The following EPHA6 variants were observed in gnomAD, a reference collection of about 807,000 sequenced individuals.
EPHA6 encodes EPH receptor A6.
A neutral mutation model predicts 112.0 loss-of-function variants in EPHA6; 50 were observed. The ratio of observed to expected loss-of-function variants is 0.45; its 90% CI spans 0.36 to 0.56. The LOEUF (loss-of-function observed/expected upper bound fraction) is 0.56. Ranked by LOEUF, EPHA6 falls within the 20% of genes least tolerant of loss-of-function variation. The pLI is 0.00. For missense variants in EPHA6, 1,280 were observed against 1,417.4 expected, an observed-to-expected ratio of 0.90 and a Z score of 1.56; for synonymous variants, 529 against 490.7, an observed-to-expected ratio of 1.08 and a Z score of -1.03.
At chr3:97,094,758 A>G (rs2047185389) in intron 3 of EPHA6, among the ~76,000 whole-genome samples, 3 of 152,144 alleles carry the variant, frequency 2.0e-5, no homozygotes, top group Non-Finnish European at 2.9e-5. Context: ...AAAGGCTTCA[A>G]CATTTTCTCA....
chr3:97,093,654 A>G lies in EPHA6; in HGVS notation c.1114+105661A>G, dbSNP rs2047144718. 1.3e-5 allele frequency among the ~76,000 whole-genome samples: 2 copies of G among 152,176 alleles called. 1 individual carries two copies. The highest frequency in any genetic ancestry group is 1.3e-4 in the Admixed American group (2 of 15,258). ...ATACTTGACATATGATCTAATCATAATATGAGTTCTCAATATATGGTAACA... is the reference window on the plus strand; with the variant it reads ...ATACTTGACATATGATCTAATCATAGTATGAGTTCTCAATATATGGTAACA... On this transcript the variant is annotated intron_variant, in intron 3 of 17. Transcript: ENST00000389672.
chr3:96,911,069 A>C (rs2039190497), intron 2 of EPHA6, among the ~76,000 whole-genome samples: 1 of 152,018 alleles, frequency 6.6e-6, no homozygotes, highest in South Asian at 2.1e-4. Context: ...AGCTGTATTT[A>C]GGGGGAAAAT....
At chr3:96,825,171 G>T (rs1343790383) in intron 1 of EPHA6, among the ~76,000 whole-genome samples, 1 of 151,726 alleles carries the variant, frequency 6.6e-6, no homozygotes, top group Non-Finnish European at 1.5e-5. Context: ...TGCGTTTAAA[G>T]ATTAAAACTT....
intron 11 of EPHA6, among the ~76,000 whole-genome samples, chr3:97,566,443 G>A (rs1322149637): frequency 2.0e-5 from 3 of 152,194 alleles, no homozygotes; most frequent in Admixed American, 6.5e-5. Context: ...AGACTCTAAA[G>A]AATGTTTCTG....
intron 17 of EPHA6, among the ~76,000 whole-genome samples, chr3:97,747,832 A>C (rs2035779733): frequency 6.6e-6 from 1 of 152,076 alleles, no homozygotes; most frequent in Non-Finnish European, 1.5e-5. Flanking sequence ...CAAATCATAG[A>C]CTTTATGTCA....
intron 12 of EPHA6, among the ~76,000 whole-genome samples, chr3:97,599,800 G>T (rs1456014742): frequency 6.6e-6 from 1 of 152,076 alleles, no homozygotes; most frequent in East Asian, 1.9e-4. Flanking sequence ...CCAATTCTGT[G>T]AAGAAAGTCA....
intron 5 of EPHA6, among the ~76,000 whole-genome samples, chr3:97,365,381 G>T (rs570421580): frequency 7.6e-4 from 115 of 151,756 alleles, no homozygotes; most frequent in Non-Finnish European, 1.5e-3. Flanking sequence ...ATTATGACAG[G>T]AAAAATCATA....
chr3:97,210,968 G>A (rs150130121), intron 3 of EPHA6, among the ~76,000 whole-genome samples: 49 of 152,242 alleles, frequency 3.2e-4, no homozygotes, highest in African/African-American at 1.1e-3. Flanking sequence ...AATTCTCCGC[G>A]TGGCCATCTC....
At chr3:97,697,079 C>T (rs922381122) in intron 14 of EPHA6, among the ~76,000 whole-genome samples, 1 of 152,144 alleles carries the variant, frequency 6.6e-6, no homozygotes, top group African/African-American at 2.4e-5. Flanking sequence ...TTTCCTAAAC[C>T]TCATCAGTGA....
In EPHA6 at chr3:97,185,297, A is replaced by C. The variant is rs912418168; in HGVS notation, c.1115-40967A>C. On this transcript the variant is annotated intron_variant, in intron 3 of 17. Coordinates refer to ENST00000389672, the MANE Select transcript of EPHA6 (RefSeq NM_001080448.3). ...ACAGGCAACCTACAGAATGGGAGAA[A>C]ATTTTTGCAATGTACTCGTCTGACA... Among the ~76,000 whole-genome samples, 7 of 152,278 alleles carry C rather than the reference A, an allele frequency of 4.6e-5. No individual in the cohort carries two copies. The South Asian group carries it at 6.2e-4, about 14-fold the overall frequency.
intron 12 of EPHA6, among the ~76,000 whole-genome samples, chr3:97,607,507 T>A (rs2107444345): frequency 6.6e-6 from 1 of 151,394 alleles, no homozygotes; most frequent in East Asian, 1.9e-4. Context: ...TTAGAGGATC[T>A]TCATTCAAAT....
intron 14 of EPHA6, among the ~76,000 whole-genome samples, chr3:97,696,318 C>T (rs2033037141): frequency 6.6e-6 from 1 of 152,182 alleles, no homozygotes; most frequent in Non-Finnish European, 1.5e-5. Context: ...GGCATTGATG[C>T]CCTCTGAGCT....
At chr3:97,349,803 T>C (rs1289806363) in intron 5 of EPHA6, among the ~76,000 whole-genome samples, 4 of 152,022 alleles carry the variant, frequency 2.6e-5, no homozygotes, top group Admixed American at 2.0e-4. Flanking sequence ...CATAGCATCA[T>C]ACGTATTAAT....
chr3:97,583,265 C>T (rs368984411), intron 11 of EPHA6, among the ~76,000 whole-genome samples: 2 of 151,806 alleles, frequency 1.3e-5, no homozygotes. Context: ...GTTGGCAGGG[C>T]GCGGTGGCTC....
At chr3:97,159,749 C>G (rs1212996357) in intron 3 of EPHA6, among the ~76,000 whole-genome samples, 1 of 152,154 alleles carries the variant, frequency 6.6e-6, no homozygotes, top group African/African-American at 2.4e-5. Flanking sequence ...ATTGCCATAC[C>G]TCCTTTGCTG....
chr3:97,570,228 CTT>C (rs773403357), intron 11 of EPHA6, among the ~76,000 whole-genome samples: 1 of 151,954 alleles, frequency 6.6e-6, no homozygotes, highest in Non-Finnish European at 1.5e-5. Flanking sequence ...GCCAGGAAAA[CTT>C]TATGGAGAAA....
chr3:97,625,160 C>A (rs1167851421), intron 13 of EPHA6, among the ~76,000 whole-genome samples: 1 of 151,524 alleles, frequency 6.6e-6, no homozygotes, highest in African/African-American at 2.4e-5. Flanking sequence ...CTTCCTCTTT[C>A]TCAATACAGA....
intron 1 of EPHA6, among the ~76,000 whole-genome samples, chr3:96,828,086 A>G (rs2033784098): frequency 1.3e-5 from 2 of 152,254 alleles, no homozygotes; most frequent in South Asian, 4.1e-4. Context: ...AAAAATAAGC[A>G]TATAGAAGAG....
chr3:97,446,005 A>G (rs2090331819), intron 6 of EPHA6, among the ~76,000 whole-genome samples: 1 of 152,150 alleles, frequency 6.6e-6, no homozygotes, highest in Admixed American at 6.6e-5. Flanking sequence ...AAACATCTCA[A>G]TGGCTCTGTG....
Sources: allele counts gnomAD v4.1 joint callset (sites outside exome capture counted in the v4.1 genomes callset), GRCh38; gene constraint gnomAD v4.1.1; transcripts MANE v1.5; gene names NCBI Gene and HGNC (gene_info 2026-07-23, HGNC 2026-07-21).